The following TENM1 variants were observed in gnomAD, a reference collection of about 807,000 sequenced individuals.
TENM1 encodes teneurin-1.
Under a neutral mutation model 174.8 loss-of-function variants are expected in TENM1, and 35 were observed. That is an observed-to-expected ratio of 0.20 (90% confidence interval 0.15 to 0.27). TENM1 has a LOEUF of 0.27. Ranked by LOEUF, TENM1 falls within the 10% of genes least tolerant of loss-of-function variation. The pLI, the probability that TENM1 is intolerant of heterozygous loss-of-function variation, is 1.00. For synonymous variants in TENM1, 781 were observed against 798.7 expected (o/e 0.98, Z 0.37); for missense variants, 1,633 against 2,130.1 (o/e 0.77, Z 4.59).
intron 23 of TENM1, among the ~76,000 whole-genome samples, chrX:124,435,540 A>G (rs997030104): frequency 2.7e-5 from 3 of 111,956 alleles, no homozygotes; most frequent in Non-Finnish European, 5.6e-5. Context: ...TGGGCTCTGA[A>G]TGGGAAGGTA....
At chrX:124,797,207 T>A (rs1046296864) in intron 3 of TENM1, among the ~76,000 whole-genome samples, 1 of 111,990 alleles carries the variant, frequency 8.9e-6, no homozygotes, top group Non-Finnish European at 1.9e-5. Flanking sequence ...ATGAGTCAAA[T>A]GTCTGTTGAA....
intron 3 of TENM1, among the ~76,000 whole-genome samples, chrX:124,813,959 C>G (rs2147273610): frequency 8.9e-6 from 1 of 111,810 alleles, no homozygotes; most frequent in South Asian, 3.7e-4. Context: ...ATGAAAGCTG[C>G]ATTGCATGAG....
chrX:124,957,498 C>T (rs1231078599), intron 1 of TENM1, among the ~76,000 whole-genome samples: 2 of 105,196 alleles, frequency 1.9e-5, no homozygotes, highest in African/African-American at 7.1e-5. Context: ...GCAGGAGAAT[C>T]GCTTGAACCT....
rs182151797 is a variant in TENM1, at chrX:124,640,273, C to A, written c.2077+1518G>T. 6.0e-3 allele frequency among the ~76,000 whole-genome samples: 674 copies of A among 111,421 alleles called. 5 individuals carry two copies. Among genetic ancestry groups the A allele is most frequent in the African/African-American group, 0.021 (633 of 30,683 alleles). On this transcript the variant is annotated intron_variant, in intron 11 of 31. Coordinates refer to ENST00000422452, the Ensembl canonical transcript of TENM1. ...CCTGTATTACGTCTATGTGAGGCAA[C>A]AAAATTTCAGTGAAGTATTGTTAGA... is the stretch of plus-strand genomic sequence containing the variant.
chrX:124,572,912 A>G (rs1278720433), intron 11 of TENM1, among the ~76,000 whole-genome samples: 1 of 111,672 alleles, frequency 9.0e-6, no homozygotes, highest in African/African-American at 3.3e-5. Flanking sequence ...ACAAGGCTTA[A>G]TATCATTAGA....
the TENM1 span, among the ~76,000 whole-genome samples, chrX:125,188,403 G>A: frequency 1.8e-5 from 2 of 109,669 alleles, no homozygotes; most frequent in African/African-American, 6.8e-5. Context: ...AAAAGAAAAG[G>A]CAGTGTGTAA....
intron 3 of TENM1, among the ~76,000 whole-genome samples, chrX:124,863,424 A>T (rs1272635334): frequency 9.0e-6 from 1 of 110,974 alleles, no homozygotes; most frequent in Non-Finnish European, 1.9e-5. Context: ...GGCAGTATTC[A>T]CAAAAAGCTG....
At chrX:125,180,605 AAG>A in the TENM1 span, among the ~76,000 whole-genome samples, 1 of 110,792 alleles carries the variant, frequency 9.0e-6, no homozygotes, top group East Asian at 2.8e-4. Flanking sequence ...TTAAGCAAGA[AAG>A]AGGTTCAGAG....
intron 3 of TENM1, 119 bp downstream of exon 6, chrX:124,894,173 AGGTT>A: frequency 2.0e-6 from 1 of 489,705 alleles, no homozygotes; most frequent in Non-Finnish European, 3.5e-6. Context: ...ATTCTCTGAC[AGGTT>A]CATTGAGCAG....
the TENM1 span, among the ~76,000 whole-genome samples, chrX:125,086,787 T>C: frequency 7.3e-4 from 81 of 110,651 alleles, no homozygotes; most frequent in Non-Finnish European, 1.3e-3. Context: ...AGTTATGATA[T>C]TACACACTAC....
intron 3 of TENM1, among the ~76,000 whole-genome samples, chrX:124,755,647 T>C (rs1247230435): frequency 1.8e-5 from 2 of 111,567 alleles, no homozygotes; most frequent in African/African-American, 3.3e-5. Context: ...TTTCCACGTT[T>C]AGTGCTTCCT....
At chrX:125,161,234 C>T in the TENM1 span, among the ~76,000 whole-genome samples, 2 of 111,190 alleles carry the variant, frequency 1.8e-5, no homozygotes, top group Non-Finnish European at 3.8e-5. Flanking sequence ...ATAGTATTTG[C>T]ATGTATCCTA....
intron 3 of TENM1, among the ~76,000 whole-genome samples, chrX:124,827,567 C>G (rs2056194883): frequency 9.0e-6 from 1 of 111,620 alleles, no homozygotes; most frequent in South Asian, 3.8e-4. Context: ...GGGCCCTAAA[C>G]AAAACACAGA....
chrX:124,738,812 T>C (rs891404051), intron 3 of TENM1, among the ~76,000 whole-genome samples: 10 of 112,017 alleles, frequency 8.9e-5, no homozygotes, highest in Non-Finnish European at 1.9e-4. Flanking sequence ...CAAAGGACTT[T>C]GGAGATGCTC....
intron 11 of TENM1, among the ~76,000 whole-genome samples, chrX:124,588,682 T>TA (rs1451861118): frequency 1.3e-4 from 14 of 110,788 alleles, no homozygotes; most frequent in African/African-American, 4.6e-4. Flanking sequence ...CCCTAAAACT[T>TA]AAAGTATAAT....
At chrX:124,936,826 C>T (rs2058252083) in intron 1 of TENM1, among the ~76,000 whole-genome samples, 2 of 111,494 alleles carry the variant, frequency 1.8e-5, no homozygotes, top group African/African-American at 6.5e-5. Flanking sequence ...GTGGGCAGAT[C>T]ACCTGAGATC....
the TENM1 span, among the ~76,000 whole-genome samples, chrX:125,031,244 AT>A: frequency 1.8e-5 from 2 of 111,428 alleles, no homozygotes; most frequent in Non-Finnish European, 3.8e-5. Context: ...TTCACCTGGG[AT>A]AATGGCCTCC....
the TENM1 span, among the ~76,000 whole-genome samples, chrX:124,981,177 T>C: frequency 9.0e-6 from 1 of 111,708 alleles, no homozygotes; most frequent in Admixed American, 9.6e-5. Flanking sequence ...GACTTTCAGA[T>C]GAGAAAACAG....
At chrX:125,075,347 T>C in the TENM1 span, among the ~76,000 whole-genome samples, 1 of 111,975 alleles carries the variant, frequency 8.9e-6, no homozygotes, top group African/African-American at 3.2e-5. Flanking sequence ...TGAATAATAT[T>C]CCATTGTATG....
Sources: allele counts gnomAD v4.1 joint callset (sites outside exome capture counted in the v4.1 genomes callset), GRCh38; gene constraint gnomAD v4.1.1; transcripts MANE v1.5; gene names NCBI Gene and HGNC (gene_info 2026-07-23, HGNC 2026-07-21).